The following WDR44 variants were observed in gnomAD, a reference collection of about 807,000 sequenced individuals.
WDR44 encodes the protein WD repeat-containing protein 44.
Under a neutral mutation model 65.7 loss-of-function variants are expected in WDR44, and 9 were observed. That is an observed-to-expected ratio of 0.14 (90% confidence interval 0.08 to 0.24). The LOEUF (loss-of-function observed/expected upper bound fraction) is 0.24. Ranked by LOEUF, WDR44 falls within the 10% of genes least tolerant of loss-of-function variation. WDR44 has a pLI of 1.00. For missense variants in WDR44, 425 were observed against 670.9 expected, an observed-to-expected ratio of 0.63 and a Z score of 4.05; for synonymous variants, 220 against 235.2, an observed-to-expected ratio of 0.94 and a Z score of 0.59.
rs185951419 is a variant in WDR44 at position 118,427,461 on chromosome X, G to A, written c.1738-5320G>A. ...AATTTTTTGTATTTTTAGTAGAGAC[G>A]GGGTTTCACCATGTTAGCCAGGATA... On this transcript the variant is annotated intron_variant, in intron 12 of 19. Transcript: ENST00000254029. Among the ~76,000 whole-genome samples, 619 of 108,057 alleles carry A rather than the reference G, an allele frequency of 5.7e-3. 3 individuals carry two copies. Among genetic ancestry groups the A allele is most frequent in the African/African-American group, 0.019 (579 of 29,693 alleles). The allele number at this position is 108,057 out of a possible 115,157, so 93.8% of individuals were successfully genotyped here.
At position 118,387,336 on chromosome X, in the gene WDR44, A is replaced by G; in HGVS notation, c.112-4A>G. On this transcript the variant is annotated splice_polypyrimidine_tract_variant and splice_region_variant and intron_variant, in intron 2 of 19. Coordinates refer to ENST00000254029, the MANE Select transcript of WDR44 (RefSeq NM_019045.5). ...GGTCTCTATTTCTTTTCTTTTTCAAACAGGAAACAGAGAACACTGCATACA... is the reference window on the plus strand; with the variant it reads ...GGTCTCTATTTCTTTTCTTTTTCAAGCAGGAAACAGAGAACACTGCATACA... The G allele has an allele frequency of 8.5e-7, 1 of 1,175,805 alleles. No individual in the cohort carries two copies. The highest frequency in any genetic ancestry group is 1.1e-6 in the Non-Finnish European group (1 of 875,134).
chrX:118,440,919 G>C (rs756330441), intron 14 of WDR44, among the ~76,000 whole-genome samples: 137 of 91,118 alleles, frequency 1.5e-3, no homozygotes, highest in Non-Finnish European at 2.5e-3. Flanking sequence ...AATAATGCTT[G>C]CTTAAAGAAT....
intron 12 of WDR44, among the ~76,000 whole-genome samples, chrX:118,423,815 T>C (rs1006660900): frequency 1.8e-5 from 2 of 112,200 alleles, no homozygotes; most frequent in Non-Finnish European, 3.8e-5. Flanking sequence ...ATGAGTTTGT[T>C]GTTTCTAGAT....
At chrX:118,380,024 C>T (rs1403591086) in intron 2 of WDR44, among the ~76,000 whole-genome samples, 1 of 111,343 alleles carries the variant, frequency 9.0e-6, no homozygotes, top group Non-Finnish European at 1.9e-5. Context: ...ATTTACTTTA[C>T]CCCGTAATTA....
At chrX:118,420,001 C>T (rs922051294) in intron 12 of WDR44, among the ~76,000 whole-genome samples, 3 of 111,431 alleles carry the variant, frequency 2.7e-5, no homozygotes, top group African/African-American at 9.8e-5. Flanking sequence ...ACTTTTTCTT[C>T]CTTACCCACA....
intron 1 of WDR44, among the ~76,000 whole-genome samples, chrX:118,350,069 C>G: frequency 9.0e-6 from 1 of 110,720 alleles, no homozygotes; most frequent in East Asian, 2.8e-4. Context: ...CTGAATTGAA[C>G]TGATACATCT....
At chrX:118,422,050 G>A (rs2057109050) in intron 12 of WDR44, among the ~76,000 whole-genome samples, 1 of 111,390 alleles carries the variant, frequency 9.0e-6, no homozygotes, top group Non-Finnish European at 1.9e-5. Flanking sequence ...TAATGTGCAT[G>A]ACTAGGGAAC....
Position 118,394,457 on chromosome X carries a change from A to G in WDR44, c.957+272A>G, listed in dbSNP as rs781567293. Among the ~76,000 whole-genome samples, 9 of 111,869 alleles carry G rather than the reference A, an allele frequency of 8.0e-5. No individual in the cohort carries two copies. The South Asian group carries it at 3.0e-3, about 38-fold the overall frequency. On this transcript the variant is annotated intron_variant, in intron 5 of 19. Transcript: ENST00000254029. Reference sequence around the variant, plus strand: ...AGCTAAAATATGCCAAGTATCTAGCAGGTAATAGGTATTCAAAAAACGACA... The same window carrying G: ...AGCTAAAATATGCCAAGTATCTAGCGGGTAATAGGTATTCAAAAAACGACA...
chrX:118,373,481 T>C (rs1029446601), intron 1 of WDR44, among the ~76,000 whole-genome samples: 1 of 111,897 alleles, frequency 8.9e-6, no homozygotes, highest in Non-Finnish European at 1.9e-5. Flanking sequence ...GTTTCATTAT[T>C]TCATTCCCTA....
chrX:118,412,603 T>TTGG (rs2057021576), intron 12 of WDR44, among the ~76,000 whole-genome samples: 1 of 111,755 alleles, frequency 8.9e-6, no homozygotes, highest in African/African-American at 3.2e-5. Flanking sequence ...TTTGTAGGAC[T>TTGG]TGGTGACTGA....
chrX:118,346,686 G>C, intron 1 of WDR44, 106 bp downstream of exon 1: 1 of 621,302 alleles, frequency 1.6e-6, no homozygotes, highest in Non-Finnish European at 2.4e-6. Context: ...CGCCACCGCT[G>C]TTCCTCCCCG....
chrX:118,409,262 T>A (rs1421409137), intron 10 of WDR44, among the ~76,000 whole-genome samples: 1 of 111,107 alleles, frequency 9.0e-6, no homozygotes. Context: ...CCTAAGTGGC[T>A]GGGATTACAG....
At chrX:118,416,989 C>T (rs890918066) in intron 12 of WDR44, among the ~76,000 whole-genome samples, 1 of 111,885 alleles carries the variant, frequency 8.9e-6, no homozygotes, top group African/African-American at 3.3e-5. Context: ...TTTGTTTTGT[C>T]TGATATAAGA....
chrX:118,374,670 A>G (rs781676004), intron 1 of WDR44, among the ~76,000 whole-genome samples: 33 of 111,705 alleles, frequency 3.0e-4, no homozygotes, highest in Non-Finnish European at 4.9e-4. Context: ...TTGACAGGCT[A>G]TAGGGGACCT....
At chrX:118,369,645 T>G (rs1365646723) in intron 1 of WDR44, among the ~76,000 whole-genome samples, 2 of 107,594 alleles carry the variant, frequency 1.9e-5, no homozygotes, top group Non-Finnish European at 3.8e-5. Flanking sequence ...ATTTTTTGTA[T>G]TTTTAGTAGA....
intron 12 of WDR44, among the ~76,000 whole-genome samples, chrX:118,427,371 C>T (rs1352241515): frequency 3.7e-5 from 4 of 107,858 alleles, no homozygotes; most frequent in East Asian, 5.9e-4. Flanking sequence ...CCCGGGTTCA[C>T]GCCATTCTCC....
chrX:118,429,614 T>A (rs1338949265), intron 12 of WDR44, among the ~76,000 whole-genome samples: 6 of 108,883 alleles, frequency 5.5e-5, no homozygotes, highest in African/African-American at 2.0e-4. Context: ...GATAAGGAAA[T>A]AGTCAAATGT....
At chrX:118,428,789 C>T (rs2057181369) in intron 12 of WDR44, among the ~76,000 whole-genome samples, 1 of 111,880 alleles carries the variant, frequency 8.9e-6, no homozygotes, top group East Asian at 2.8e-4. Flanking sequence ...ATAGCAAAGA[C>T]ATTGAATCAA....
intron 1 of WDR44, among the ~76,000 whole-genome samples, chrX:118,360,342 A>C (rs1309485319): frequency 8.9e-6 from 1 of 112,424 alleles, no homozygotes; most frequent in Non-Finnish European, 1.9e-5. Context: ...TTGTTCTCTA[A>C]ACTTGAAGTG....
Sources: gnomAD v4.1 joint callset for allele counts (sites outside exome capture counted in the v4.1 genomes callset) on GRCh38, gnomAD v4.1.1 for gene constraint, MANE v1.5 for transcripts, NCBI Gene and HGNC (gene_info 2026-07-23, HGNC 2026-07-21) for gene names.